The following CHM variants were observed in gnomAD, a reference collection of about 807,000 sequenced individuals.
CHM encodes the protein rab proteins geranylgeranyltransferase component A 1.
A neutral mutation model predicts 49.0 loss-of-function variants in CHM; 10 were observed. That is an observed-to-expected ratio of 0.20 (90% CI 0.13 to 0.35). The LOEUF is 0.35. CHM is among the 10% of genes least tolerant of loss of function. The pLI, the probability that CHM is intolerant of heterozygous loss-of-function variation, is 1.00. For missense variants in CHM, 455 were observed against 478.4 expected, an observed-to-expected ratio of 0.95 and a Z score of 0.46; for synonymous variants, 184 against 167.5, an observed-to-expected ratio of 1.10 and a Z score of -0.76.
At chrX:86,014,715 G>C (rs1470732207) in intron 2 of CHM, among the ~76,000 whole-genome samples, 2 of 111,973 alleles carry the variant, frequency 1.8e-5, no homozygotes, top group Non-Finnish European at 3.8e-5. Flanking sequence ...GCCAGGCACG[G>C]TGGCTCACAC....
At chrX:85,961,985 A>G (rs977708944) in intron 5 of CHM, among the ~76,000 whole-genome samples, 4 of 112,287 alleles carry the variant, frequency 3.6e-5, no homozygotes, top group African/African-American at 1.3e-4. Context: ...CAATTGAAAC[A>G]GCACCGTCTT....
chrX:85,965,486 A>G (rs917932552), intron 4 of CHM, among the ~76,000 whole-genome samples: 2 of 111,388 alleles, frequency 1.8e-5, no homozygotes, highest in Non-Finnish European at 3.8e-5. Context: ...TGTGCCCCTC[A>G]CGACACCTAC....
chrX:85,972,447 C>G (rs1930984141), intron 4 of CHM, among the ~76,000 whole-genome samples: 1 of 112,974 alleles, frequency 8.9e-6, no homozygotes, highest in South Asian at 3.6e-4. Context: ...GCACAGGAAC[C>G]CACGGTGGCG....
chrX:86,037,151 T>C (rs1159094046), intron 1 of CHM, among the ~76,000 whole-genome samples: 1 of 100,288 alleles, frequency 1.0e-5, no homozygotes, highest in Non-Finnish European at 2.0e-5. Context: ...AGTTTCACTC[T>C]TGTCACCCAG....
At chrX:86,039,616 G>A (rs1461074451) in intron 1 of CHM, among the ~76,000 whole-genome samples, 8 of 109,589 alleles carry the variant, frequency 7.3e-5, no homozygotes, top group Non-Finnish European at 1.1e-4. Flanking sequence ...GAAAAGGGCA[G>A]GTCCCTGAGA....
At chrX:85,969,703 T>C (rs1388777031) in intron 4 of CHM, 1 of 112,053 alleles carries the variant, frequency 8.9e-6, no homozygotes, top group African/African-American at 3.2e-5. Context: ...AAATATGGAA[T>C]CAACTTAAAT....
In CHM at chrX:85,864,633, T is replaced by C. The variant is rs1201868149; in HGVS notation, c.1959A>G (p.Glu653=). ...TATCCAGTTTGGTGTATATCCATTA[T>C]TCAGAGGACTCCTCTAGGTTTCCAA... ...TNLGNLEESS[E] The change falls in exon 15 of 15, where the codon GAA becomes GAG. Residue 653 remains glutamate (E), a synonymous_variant. Coordinates refer to ENST00000357749, the MANE Select transcript of CHM (RefSeq NM_000390.4). 8.3e-7 allele frequency: 1 copy of C among 1,206,294 alleles called. No individual in the cohort carries two copies. Among genetic ancestry groups the C allele is most frequent in the Non-Finnish European group, 1.1e-6 (1 of 892,556 alleles).
intron 2 of CHM, among the ~76,000 whole-genome samples, chrX:86,007,163 C>G (rs1478880625): frequency 5.4e-5 from 6 of 111,944 alleles, no homozygotes; most frequent in African/African-American, 9.7e-5. Context: ...ATGGGGAAAG[C>G]ATTCCCTATT....
intron 5 of CHM, among the ~76,000 whole-genome samples, chrX:85,962,810 T>C (rs1199571290): frequency 8.9e-6 from 1 of 111,770 alleles, no homozygotes; most frequent in Non-Finnish European, 1.9e-5. Flanking sequence ...TTGCTTCCTA[T>C]AAACCAAATG....
intron 9 of CHM, 57 bp downstream of exon 9, chrX:85,911,202 AAT>A (rs529188426): frequency 6.2e-4 from 38 of 61,615 alleles, no homozygotes; most frequent in East Asian, 5.3e-3. Context: ...TATATATATG[AAT>A]ATATATATAT....
intron 3 of CHM, among the ~76,000 whole-genome samples, chrX:85,979,970 C>T (rs960820510): frequency 9.0e-6 from 1 of 110,757 alleles, no homozygotes; most frequent in Non-Finnish European, 1.9e-5. Flanking sequence ...ATGAGGTTAC[C>T]AGCCTAAGAA....
At chrX:85,972,546 C>T (rs1005597153) in intron 4 of CHM, among the ~76,000 whole-genome samples, 6 of 113,193 alleles carry the variant, frequency 5.3e-5, no homozygotes, top group African/African-American at 6.4e-5. Context: ...ACCACAGCGC[C>T]GGTGGGCTGG....
At chrX:85,920,118 T>C (rs896786075) in intron 8 of CHM, among the ~76,000 whole-genome samples, 11 of 109,213 alleles carry the variant, frequency 1.0e-4, no homozygotes, top group East Asian at 2.9e-4. Flanking sequence ...TTTTTTGAGA[T>C]GGAGTCTCGC....
At chrX:86,006,611 C>A (rs192579889) in intron 2 of CHM, among the ~76,000 whole-genome samples, 10 of 111,600 alleles carry the variant, frequency 9.0e-5, no homozygotes, top group Non-Finnish European at 1.5e-4. Flanking sequence ...CATTCCTATA[C>A]ACCAATAACA....
intron 2 of CHM, among the ~76,000 whole-genome samples, chrX:85,983,375 A>C (rs745936965): frequency 2.3e-4 from 25 of 110,376 alleles, no homozygotes; most frequent in Non-Finnish European, 4.3e-4. Context: ...CTTGCATCAG[A>C]GAGAACAGTG....
chrX:86,027,416 A>ATATGTCTGTACGTATGTACATG, intron 2 of CHM, 75 bp downstream of exon 2: 1 of 792,458 alleles, frequency 1.3e-6, no homozygotes, highest in Non-Finnish European at 1.9e-6. Context: ...GTACAGACAT[A>ATATGTCTGTACGTATGTACATG]TATGTGTTTA....
intron 8 of CHM, among the ~76,000 whole-genome samples, chrX:85,944,389 T>G (rs975427567): frequency 9.0e-6 from 1 of 111,720 alleles, no homozygotes; most frequent in African/African-American, 3.2e-5. Flanking sequence ...CAATATAAAA[T>G]ACCTTACAGT....
At chrX:85,872,178 TG>T (rs904162662) in intron 14 of CHM, among the ~76,000 whole-genome samples, 2 of 112,162 alleles carry the variant, frequency 1.8e-5, no homozygotes, top group African/African-American at 6.5e-5. Context: ...CCAGGACATT[TG>T]CTACTATAAG....
At chrX:85,868,682 G>C (rs1351979106) in intron 14 of CHM, among the ~76,000 whole-genome samples, 1 of 111,445 alleles carries the variant, frequency 9.0e-6, no homozygotes, top group Non-Finnish European at 1.9e-5. Context: ...AATAGCCTCA[G>C]AATTGGACTG....
Sources: allele counts gnomAD v4.1 joint callset (sites outside exome capture counted in the v4.1 genomes callset), GRCh38; gene constraint gnomAD v4.1.1; transcripts MANE v1.5; gene names NCBI Gene and HGNC (gene_info 2026-07-23, HGNC 2026-07-21).